DHRS1: variants seen among roughly 807,000 people sequenced by gnomAD.
DHRS1 encodes dehydrogenase/reductase 1.
DHRS1 carries 34 observed loss-of-function variants against 35.2 expected under a neutral mutation model. That is an observed-to-expected ratio of 0.97 (90% CI 0.74 to 1.29). The LOEUF (loss-of-function observed/expected upper bound fraction) is 1.29, where lower values mean the gene tolerates loss of function less well. DHRS1 is among the 50% of genes most tolerant of loss of function. The pLI is 0.00. For synonymous variants in DHRS1, 133 were observed against 160.0 expected, an observed-to-expected ratio of 0.83 and a Z score of 1.27; for missense variants, 354 against 403.6, an observed-to-expected ratio of 0.88 and a Z score of 1.05.
chr14:24,291,603 G>A lies in DHRS1; in HGVS notation c.677C>T (p.Ala226Val), dbSNP rs371723270. The change falls in exon 7 of 9, where the codon GCG becomes GTG. Residue 226 changes from alanine to valine, a missense_variant. Transcript: ENST00000288111. ...LKQFKSAFSS[A>V]ETTELSGKCV... ...TTTGCCACTCAATTCTGTGGTTTCC[G>A]CAGATGAGAAGGCTGATTTGAACTG... 2.4e-5 allele frequency: 38 copies of A among 1,614,060 alleles called. No individual in the cohort carries two copies. The highest frequency in any genetic ancestry group is 2.9e-5 in the Non-Finnish European group (34 of 1,180,030).
In DHRS1 at chr14:24,296,786, C is replaced by G; in HGVS notation, c.246G>C (p.Gln82His). ...RSLFEQVDRE[Q>H]QGRLDVLVNN... ...TGACCAGCACATCTAGACGCCCTTG[C>G]TGTTCCCGATCCACTTGCTCAAACA... is the stretch of plus-strand genomic sequence containing the variant. Residue 82 changes from glutamine (Q) to histidine (H), a missense_variant, in exon 3 of 9, where the codon CAG becomes CAC. Transcript: ENST00000288111. The G allele has an allele frequency of 6.2e-7, 1 of 1,614,242 alleles. No homozygotes were observed. Among genetic ancestry groups the G allele is most frequent in the Non-Finnish European group, 8.5e-7 (1 of 1,180,038 alleles).
intron 4 of DHRS1, 25 bp from the exon 5 acceptor site, chr14:24,292,809 G>T: frequency 6.2e-7 from 1 of 1,605,434 alleles, no homozygotes; most frequent in Non-Finnish European, 8.5e-7. Context: ...AAGGGAAGAA[G>T]GAATGAACCG....
Position 24,290,625 on chromosome 14 carries a change from C to T in DHRS1, c.*234G>A, listed in dbSNP as rs2139083227. 2.0e-6 allele frequency: 1 copy of T among 488,106 alleles called. No individual in the cohort carries two copies. The allele number at this position is 488,106 out of a possible 1,614,324, so 30.2% of individuals were successfully genotyped here. On this transcript the variant is annotated 3_prime_UTR_variant, in exon 9 of 9. Coordinates refer to ENST00000288111, the MANE Select transcript of DHRS1 (RefSeq NM_001136050.3). ...GAAAGAGAAATGAGACTTTTATTAG[C>T]TCCAAGAGCATTTTTCAATACTAAG...
chr14:24,296,476 A>C (rs2041249363), intron 4 of DHRS1, 33 bp downstream of exon 4: 14 of 1,611,072 alleles, frequency 8.7e-6, no homozygotes, highest in Non-Finnish European at 1.2e-5. Context: ...TAAGTGAGTG[A>C]GGGAACATGG....
rs1366225801 is a variant in DHRS1, at chr14:24,291,988, C to T, written c.654+196G>A. The stretch of plus-strand genomic sequence containing the variant: ...ACCTTCAACAAGTTTCTAAACCTCT[C>T]TGGGTTTCAGTTTTGCCATCTGTAG... On this transcript the variant is annotated intron_variant, in intron 6 of 8. Transcript: ENST00000288111. 50 of 710,138 alleles carry T rather than the reference C, an allele frequency of 7.0e-5. 1 individual carries two copies. The East Asian group carries it at 1.3e-3, about 19-fold the overall frequency. 44.0% of individuals were successfully genotyped at this position (710,138 alleles called of 1,614,324 possible).
chr14:24,298,015 C>T (rs2041288146), intron 2 of DHRS1, among the ~76,000 whole-genome samples: 1 of 152,088 alleles, frequency 6.6e-6, no homozygotes, highest in Admixed American at 6.6e-5. Context: ...CTTTCTGTAC[C>T]TGACTTCCTG....
In DHRS1 at chr14:24,290,878, A is replaced by T; in HGVS notation, c.923T>A (p.Leu308His). 6.2e-7 allele frequency: 1 copy of T among 1,613,882 alleles called. No homozygotes were observed. Among genetic ancestry groups the T allele is most frequent in the Non-Finnish European group, 8.5e-7 (1 of 1,179,968 alleles). ...FLRVPKWIIA[L>H]YTSKF is the part of the protein sequence containing the mutation. ...GGAGGGTTAGAACTTGCTAGTGTAGAGGGCAATAATCCACTTGGGCACACG... is the reference window on the plus strand; with the variant it reads ...GGAGGGTTAGAACTTGCTAGTGTAGTGGGCAATAATCCACTTGGGCACACG... The change falls in exon 9 of 9, where the codon CTC (leucine) becomes CAC (histidine). Residue 308 changes from leucine to histidine, a missense_variant. By Grantham distance (99) the Leu-to-His change is moderately conservative (BLOSUM62 -3). Transcript: ENST00000288111.
chr14:24,298,815 T>G (rs2139107218), intron 2 of DHRS1, 142 bp downstream of exon 2: 4 of 1,065,914 alleles, frequency 3.8e-6, no homozygotes, highest in South Asian at 5.2e-5. Context: ...ATTTACGGGG[T>G]TTTTAATTTC....
At chr14:24,293,017 G>A (rs1230817211) in intron 4 of DHRS1, 7 of 501,522 alleles carry the variant, frequency 1.4e-5, no homozygotes, top group East Asian at 3.5e-5. Context: ...GAAATGGAAC[G>A]CAAGAGCCCT....
Position 24,296,728 on chromosome 14 carries a change from C to CA in DHRS1, c.294+9dup. The stretch of plus-strand genomic sequence containing the variant: ...GAAATGTGGAGTTGGGAACAAAGTT[C>CA]AAAGGGTACCTGGACCCCTGCATAA... On this transcript the variant is annotated intron_variant, in intron 3 of 8. Transcript: ENST00000288111. 1 of 1,614,148 alleles carries CA rather than the reference C, an allele frequency of 6.2e-7. No homozygotes were observed. The highest frequency in any genetic ancestry group is 8.5e-7 in the Non-Finnish European group (1 of 1,180,024).
chr14:24,291,504 C>A (rs1003534757), intron 7 of DHRS1, 52 bp downstream of exon 7: 3 of 1,569,382 alleles, frequency 1.9e-6, no homozygotes, highest in Non-Finnish European at 2.6e-6. Flanking sequence ...GATGCTACCG[C>A]ACTACACATC....
intron 4 of DHRS1, chr14:24,293,594 AG>A (rs1394133442): frequency 1.3e-5 from 2 of 151,762 alleles, no homozygotes; most frequent in Non-Finnish European, 2.9e-5. Flanking sequence ...ATAAATAAAA[AG>A]AAAGAGAACA....
Position 24,296,898 on chromosome 14 carries a change from G to A in DHRS1, c.151-17C>T, listed in dbSNP as rs1318139418. 1.2e-6 allele frequency: 2 copies of A among 1,614,098 alleles called. No individual in the cohort carries two copies. Among genetic ancestry groups the A allele is most frequent in the South Asian group, 2.2e-5 (2 of 91,084 alleles). On this transcript the variant is annotated splice_polypyrimidine_tract_variant and intron_variant, in intron 2 of 8. Coordinates refer to ENST00000288111, the MANE Select transcript of DHRS1 (RefSeq NM_001136050.3). ...GGATTGTGCCTGGAGTAGGACAGGG[G>A]ATATGAGCTCACATTCACACATGGG...
intron 4 of DHRS1, among the ~76,000 whole-genome samples, chr14:24,295,730 C>T (rs1213218899): frequency 1.3e-5 from 2 of 152,238 alleles, no homozygotes; most frequent in African/African-American, 4.8e-5. Context: ...CTCCTCTGTC[C>T]TAATGATCTT....
At chr14:24,296,681 C>T in intron 3 of DHRS1, 57 bp downstream of exon 3, 1 of 1,613,428 alleles carries the variant, frequency 6.2e-7, no homozygotes, top group Non-Finnish European at 8.5e-7. Context: ...GATGAAGATG[C>T]AGGGGTCTGA....
At chr14:24,292,124 A>T (rs756799911) in intron 6 of DHRS1, 60 bp downstream of exon 6, 154 of 1,604,976 alleles carry the variant, frequency 9.6e-5, no homozygotes, top group Non-Finnish European at 1.3e-4. Context: ...TGATCTTGTT[A>T]TTGAGGATGC....
rs895972910 is a variant in DHRS1 at position 24,299,701 on chromosome 14, C to G, written c.-145G>C. 1.7e-5 allele frequency: 8 copies of G among 460,900 alleles called. No homozygotes were observed. Among genetic ancestry groups the G allele is most frequent in the Non-Finnish European group, 2.3e-5 (6 of 260,500 alleles). The allele number at this position is 460,900 out of a possible 1,614,324, so 28.6% of individuals were successfully genotyped here. ...TTCAAGGATTGATTCTGTAGTAGGA[C>G]CCGGGGCGATTCTGTGCTGAGGTAG... On this transcript the variant is annotated 5_prime_UTR_variant, in exon 1 of 9. Transcript: ENST00000288111.
intron 2 of DHRS1, 165 bp downstream of exon 2, chr14:24,298,792 C>T: frequency 1.0e-6 from 1 of 963,622 alleles, no homozygotes; most frequent in Non-Finnish European, 1.4e-6. Flanking sequence ...AAAATTCTAC[C>T]TTACCTGAAG....
chr14:24,299,236 A>G, intron 1 of DHRS1, 106 bp from the exon 2 acceptor site: 1 of 1,106,382 alleles, frequency 9.0e-7, no homozygotes, highest in Non-Finnish European at 1.3e-6. Flanking sequence ...AGGAGGAGCC[A>G]AGGTAAGAAT....
Sources: allele counts gnomAD v4.1 joint callset (sites outside exome capture counted in the v4.1 genomes callset), GRCh38; gene constraint gnomAD v4.1.1; transcripts MANE v1.5; gene names NCBI Gene and HGNC (gene_info 2026-07-23, HGNC 2026-07-21).